The following TENM2 variants were observed in gnomAD, a reference collection of about 807,000 sequenced individuals.
The protein encoded by TENM2 is teneurin-2.
A neutral mutation model predicts 245.2 loss-of-function variants in TENM2; 52 were observed. The observed-to-expected ratio is 0.21, with a 90% CI of 0.17 to 0.27. The LOEUF (loss-of-function observed/expected upper bound fraction) is 0.27, where lower values mean the gene tolerates loss of function less well. Among genes scored for constraint, TENM2 ranks in the 10% least tolerant of loss-of-function variants. The pLI is 1.00. For synonymous variants in TENM2, 1,363 were observed against 1,438.9 expected, an observed-to-expected ratio of 0.95 and a Z score of 1.19; for missense variants, 3,046 against 3,666.8, an observed-to-expected ratio of 0.83 and a Z score of 4.37.
At chr5:168,083,167 C>A (rs991304972) in intron 7 of TENM2, among the ~76,000 whole-genome samples, 7 of 152,236 alleles carry the variant, frequency 4.6e-5, no homozygotes, top group Non-Finnish European at 1.0e-4. Context: ...GCCCCTCCCC[C>A]AGCCTCGCTG....
At chr5:167,448,903 A>G (rs1444501437) in intron 2 of TENM2, among the ~76,000 whole-genome samples, 1 of 152,160 alleles carries the variant, frequency 6.6e-6, no homozygotes, top group Non-Finnish European at 1.5e-5. Flanking sequence ...GGGGCAATGC[A>G]AAAATATAAA....
chr5:167,886,221 T>A (rs1028552110), intron 3 of TENM2, among the ~76,000 whole-genome samples: 3 of 152,178 alleles, frequency 2.0e-5, no homozygotes, highest in African/African-American at 7.2e-5. Flanking sequence ...TACATAGTTA[T>A]TAAGCAGTAC....
chr5:167,620,504 TA>T (rs1485244465), intron 2 of TENM2, among the ~76,000 whole-genome samples: 2 of 150,924 alleles, frequency 1.3e-5, no homozygotes, highest in Non-Finnish European at 3.0e-5. Flanking sequence ...ATTGTGGATT[TA>T]AATATCTAAC....
At chr5:167,240,827 C>A in the TENM2 span, among the ~76,000 whole-genome samples, 3 of 152,170 alleles carry the variant, frequency 2.0e-5, no homozygotes, top group African/African-American at 7.2e-5. Context: ...TCTTAAGAAA[C>A]CTTCTCCTCA....
intron 25 of TENM2, among the ~76,000 whole-genome samples, chr5:168,233,094 G>A (rs1041892805): frequency 5.3e-5 from 8 of 152,164 alleles, no homozygotes; most frequent in South Asian, 2.1e-4. Flanking sequence ...TTGGGAGGCC[G>A]AGGCGGGTGG....
At chr5:167,902,524 TTC>T (rs1327144219) in intron 3 of TENM2, among the ~76,000 whole-genome samples, 1 of 152,090 alleles carries the variant, frequency 6.6e-6, no homozygotes, top group Non-Finnish European at 1.5e-5. Flanking sequence ...CCTAACTCAC[TTC>T]CTGGGGCTGC....
intron 7 of TENM2, among the ~76,000 whole-genome samples, chr5:168,072,139 C>T (rs1242272139): frequency 1.3e-5 from 2 of 152,122 alleles, no homozygotes; most frequent in Non-Finnish European, 2.9e-5. Context: ...GACAAGGAGC[C>T]AAATGTGACA....
chr5:167,925,497 C>T (rs547862005), intron 3 of TENM2, among the ~76,000 whole-genome samples: 2 of 152,304 alleles, frequency 1.3e-5, no homozygotes, highest in East Asian at 3.9e-4. Context: ...GCTTAAGACA[C>T]TGCTGGTGGG....
At chr5:167,655,246 G>C (rs899934931) in intron 2 of TENM2, among the ~76,000 whole-genome samples, 5 of 152,116 alleles carry the variant, frequency 3.3e-5, no homozygotes, top group Non-Finnish European at 7.4e-5. Flanking sequence ...CAGTGAACTA[G>C]GTAGCAGGAA....
At chr5:167,746,111 G>A (rs1457622734) in intron 2 of TENM2, among the ~76,000 whole-genome samples, 2 of 152,166 alleles carry the variant, frequency 1.3e-5, no homozygotes, top group African/African-American at 4.8e-5. Flanking sequence ...TTATAAAGAA[G>A]CAACTCACTT....
At chr5:167,759,065 A>G (rs956029866) in intron 2 of TENM2, among the ~76,000 whole-genome samples, 1 of 150,438 alleles carries the variant, frequency 6.6e-6, no homozygotes, top group African/African-American at 2.5e-5. Flanking sequence ...ACATAGACTC[A>G]ACATCTTGGG....
intron 7 of TENM2, among the ~76,000 whole-genome samples, 155 bp from the exon 10 acceptor site, chr5:168,090,418 CA>C (rs1183465588): frequency 6.6e-6 from 1 of 152,116 alleles, no homozygotes; most frequent in African/African-American, 2.4e-5. Context: ...TATTGTTACA[CA>C]TTTTGCGGCT....
At chr5:167,202,565 T>C in the TENM2 span, among the ~76,000 whole-genome samples, 1 of 152,222 alleles carries the variant, frequency 6.6e-6, no homozygotes, top group African/African-American at 2.4e-5. Flanking sequence ...TTCCTTTGGA[T>C]AATCATGTCC....
intron 4 of TENM2, among the ~76,000 whole-genome samples, chr5:167,977,406 T>A (rs2546959): frequency 4.6e-5 from 7 of 151,986 alleles, no homozygotes; most frequent in African/African-American, 1.5e-4. Flanking sequence ...ATTGAAGAAC[T>A]TAAACTGATG....
intron 2 of TENM2, among the ~76,000 whole-genome samples, chr5:167,562,385 G>A (rs1278744870): frequency 1.3e-5 from 2 of 152,038 alleles, no homozygotes; most frequent in African/African-American, 4.8e-5. Flanking sequence ...ATAAATAATT[G>A]CAGAACAATG....
chr5:167,795,863 G>A (rs907583523), intron 2 of TENM2, among the ~76,000 whole-genome samples: 3 of 152,192 alleles, frequency 2.0e-5, no homozygotes, highest in South Asian at 2.1e-4. Context: ...TCGAGGCAAT[G>A]TGCATAAGAA....
exon 27 of TENM2, chr5:168,248,242 G>A: frequency 6.2e-7 from 1 of 1,614,012 alleles, no homozygotes. Context: ...TGTGCTGGCA[G>A]GACGATGGAC....
intron 2 of TENM2, among the ~76,000 whole-genome samples, chr5:167,503,712 G>A (rs750971234): frequency 6.6e-6 from 1 of 151,902 alleles, no homozygotes; most frequent in Non-Finnish European, 1.5e-5. Context: ...TGGGTAACAC[G>A]GCAGAAACCC....
At chr5:167,137,124 A>G in the TENM2 span, among the ~76,000 whole-genome samples, 2 of 152,220 alleles carry the variant, frequency 1.3e-5, no homozygotes, top group East Asian at 3.9e-4. Context: ...TAATCCCTTT[A>G]TTAGGGTTCT....
Sources: gnomAD v4.1 joint callset for allele counts (sites outside exome capture counted in the v4.1 genomes callset) on GRCh38, gnomAD v4.1.1 for gene constraint, MANE v1.5 for transcripts, NCBI Gene and HGNC (gene_info 2026-07-23, HGNC 2026-07-21) for gene names.